The following NBPF15 variants were observed in gnomAD, a reference collection of about 807,000 sequenced individuals.
NBPF15 encodes the protein NBPF family member NBPF15.
A neutral mutation model predicts 62.2 loss-of-function variants in NBPF15; 74 were observed. That is an observed-to-expected ratio of 1.19 (90% CI 0.99 to 1.44). The LOEUF (loss-of-function observed/expected upper bound fraction) is 1.44, where lower values mean the gene tolerates loss of function less well. Ranked by LOEUF, NBPF15 falls within the 40% of genes most tolerant of loss-of-function variation. NBPF15 has a pLI of 0.00. For synonymous variants in NBPF15, 244 were observed against 209.7 expected, an observed-to-expected ratio of 1.16 and a Z score of -1.41; for missense variants, 790 against 550.0, an observed-to-expected ratio of 1.44 and a Z score of -4.36.
chr1:144,453,768 C>T lies in NBPF15; in HGVS notation c.-432+2769G>A, dbSNP rs587642160. Among the ~76,000 whole-genome samples, 62 of 141,704 alleles carry T rather than the reference C, an allele frequency of 4.4e-4. No individual in the cohort carries two copies. The South Asian group carries it at 4.8e-3, about 11-fold the overall frequency. The allele number at this position is 141,704 out of a possible 152,430, so 93.0% of individuals were successfully genotyped here. On this transcript the variant is annotated intron_variant, in intron 4 of 21. Coordinates refer to ENST00000581897, the MANE Select transcript of NBPF15 (RefSeq NM_001385408.1). ...GTGAGGGAATTGCACATTAAAACAA[C>T]GAGATATCACTGTAAACCTATCAGA...
chr1:144,426,807 A>G (rs1227797575), intron 17 of NBPF15, among the ~76,000 whole-genome samples: 1 of 151,200 alleles, frequency 6.6e-6, no homozygotes, highest in Non-Finnish European at 1.5e-5. Flanking sequence ...CTTGCTCAAG[A>G]TTCCATGCAG....
intron 2 of NBPF15, among the ~76,000 whole-genome samples, chr1:144,459,724 G>A (rs1433180621): frequency 6.6e-6 from 1 of 151,602 alleles, no homozygotes; most frequent in African/African-American, 2.4e-5. Context: ...GACAATAAAA[G>A]ATACTCAATC....
intron 8 of NBPF15, 123 bp downstream of exon 8, chr1:144,439,706 T>C: frequency 1.8e-6 from 1 of 544,302 alleles, no homozygotes. Flanking sequence ...AAAATACCCA[T>C]TTCTGTTTTC....
At position 144,438,506 on chromosome 1, in the gene NBPF15, C is replaced by A. The variant is rs1273481331; in HGVS notation, c.176-459G>T. Among the ~76,000 whole-genome samples the A allele has an allele frequency of 2.0e-5, 3 of 151,866 alleles. 1 individual carries two copies. Among genetic ancestry groups the A allele is most frequent in the Non-Finnish European group, 4.4e-5 (3 of 67,936 alleles). ...CAAGTATGTGAAAGATTTTTAAAATCTTTGATTTTTAAATCATATCTTCAG... is the reference window on the plus strand; with the variant it reads ...CAAGTATGTGAAAGATTTTTAAAATATTTGATTTTTAAATCATATCTTCAG... On this transcript the variant is annotated intron_variant, in intron 8 of 21. Transcript: ENST00000581897.
Position 144,432,126 on chromosome 1 carries a change from C to T in NBPF15, c.824+1647G>A, listed in dbSNP as rs1202753179. 4.3e-4 allele frequency among the ~76,000 whole-genome samples: 66 copies of T among 152,118 alleles called. 1 individual carries two copies. The highest frequency in any genetic ancestry group is 2.6e-4 in the Non-Finnish European group (18 of 67,968). The stretch of plus-strand genomic sequence containing the variant: ...TCCCACCAACAGTGTAAAAGTGTTC[C>T]TATTTCTCCACATCCTCTCCAGCAT... On this transcript the variant is annotated intron_variant, in intron 13 of 21. Coordinates refer to ENST00000581897, the MANE Select transcript of NBPF15 (RefSeq NM_001385408.1).
chr1:144,453,839 T>C (rs1692780368), intron 4 of NBPF15, among the ~76,000 whole-genome samples: 1 of 135,722 alleles, frequency 7.4e-6, no homozygotes, highest in South Asian at 2.5e-4. Context: ...CTGTCAAAGA[T>C]GAGGAACAAC....
Position 144,444,852 on chromosome 1 carries a change from C to T in NBPF15, c.-191+3923G>A, listed in dbSNP as rs1291881087. ...CCCCTCAGGTTGGTCTGGAAACACA[C>T]ATACAGATCATTGTGCAGACACAGT... On this transcript the variant is annotated intron_variant, in intron 6 of 21. Transcript: ENST00000581897. Among the ~76,000 whole-genome samples the T allele has an allele frequency of 2.7e-3, 411 of 152,082 alleles. 3 individuals are homozygous for T. The highest frequency in any genetic ancestry group is 4.9e-3 in the Non-Finnish European group (333 of 67,970).
chr1:144,456,318 G>A (rs1647752924), intron 4 of NBPF15, among the ~76,000 whole-genome samples: 2 of 151,996 alleles, frequency 1.3e-5, no homozygotes, highest in African/African-American at 2.4e-5. Context: ...CTCTCCTGAG[G>A]TAAAATCACT....
chr1:144,442,156 ACACGTG>A (rs1553542852), intron 6 of NBPF15, among the ~76,000 whole-genome samples: 4 of 2,496 alleles, frequency 1.6e-3, no homozygotes, highest in African/African-American at 2.1e-3. Context: ...TAATATATAT[ACACGTG>A]TATATATATA....
rs1193205252 is a variant in NBPF15 at position 144,426,375 on chromosome 1, A to T, written c.1341T>A (p.Pro447=). The T allele has an allele frequency of 1.2e-5, 11 of 887,636 alleles. No individual in the cohort carries two copies. The East Asian group carries it at 1.9e-4, about 16-fold the overall frequency. The allele number at this position is 887,636 out of a possible 1,614,324, so 55.0% of individuals were successfully genotyped here. A position where few individuals can be genotyped will look rare whatever the true frequency, so the allele number is the denominator to read the frequency against. ...QDSLDRCYST[P]SDYLELPDLG... is the part of the protein sequence containing the mutation. ...AGTCAGGCAGTTCAAGATAATCTGA[A>T]GGAGTCGAATAACATCTATCCAGTG... Residue 447 remains proline (P), a synonymous_variant, in exon 18 of 22, where the codon CCT becomes CCA. Coordinates refer to ENST00000581897, the MANE Select transcript of NBPF15 (RefSeq NM_001385408.1).
intron 6 of NBPF15, among the ~76,000 whole-genome samples, chr1:144,447,445 T>A (rs1314686101): frequency 5.9e-5 from 9 of 151,552 alleles, no homozygotes; most frequent in Non-Finnish European, 1.0e-4. Flanking sequence ...AGGGAAGAAA[T>A]ACGGACCTCA....
chr1:144,423,664 T>C (rs1192515351), intron 21 of NBPF15, among the ~76,000 whole-genome samples: 5 of 152,006 alleles, frequency 3.3e-5, no homozygotes, highest in African/African-American at 9.7e-5. Flanking sequence ...TTTTGAAGTA[T>C]GGTCAACCTA....
Position 144,429,803 on chromosome 1 carries a change from C to A in NBPF15, c.885G>T (p.Ser295=). 1 of 613,450 alleles carries A rather than the reference C, an allele frequency of 1.6e-6. No homozygotes were observed. Among genetic ancestry groups the A allele is most frequent in the Non-Finnish European group, 2.8e-6 (1 of 362,696 alleles). 38.0% of individuals were successfully genotyped at this position (613,450 alleles called of 1,614,324 possible). Residue 295 remains serine, a synonymous_variant, in exon 14 of 22, where the codon TCG becomes TCT. Transcript: ENST00000581897. ...VPQESWDEGY[S]TLSIPPEMLA... Reference sequence around the variant, plus strand: ...ACATTTCAGGAGGAATTGAGAGAGTCGAATAACCTTCATCCCAGGACTCCT... The same window carrying A: ...ACATTTCAGGAGGAATTGAGAGAGTAGAATAACCTTCATCCCAGGACTCCT...
intron 6 of NBPF15, among the ~76,000 whole-genome samples, chr1:144,447,437 G>A (rs1688378883): frequency 6.6e-6 from 1 of 151,714 alleles, no homozygotes; most frequent in Non-Finnish European, 1.5e-5. Flanking sequence ...GGAGGGAGAG[G>A]GAAGAAATAC....
Position 144,435,168 on chromosome 1 carries a change from T to G in NBPF15, c.715A>C (p.Thr239Pro). ...ITFEEDKVDS[T>P]LIGSSSHVEW... ...ACATGAGAGGATGAGCCAATGAGAG[T>G]TGAGTCGACTTTGTCTTCCTCAAAT... Residue 239 changes from threonine (T) to proline (P), a missense_variant, in exon 12 of 22, where the codon ACT (threonine) becomes CCT (proline). Transcript: ENST00000581897. The G allele has an allele frequency of 1.2e-5, 20 of 1,612,346 alleles. No individual in the cohort carries two copies. Among genetic ancestry groups the G allele is most frequent in the Non-Finnish European group, 1.6e-5 (19 of 1,179,554 alleles).
At chr1:144,455,681 TC>T (rs1273727925) in intron 4 of NBPF15, among the ~76,000 whole-genome samples, 14 of 152,044 alleles carry the variant, frequency 9.2e-5, no homozygotes, top group African/African-American at 3.4e-4. Flanking sequence ...TCACTGGACT[TC>T]CCTCCTTGCA....
intron 6 of NBPF15, among the ~76,000 whole-genome samples, chr1:144,443,561 A>G (rs1417287100): frequency 1.3e-5 from 2 of 151,936 alleles, no homozygotes; most frequent in Non-Finnish European, 2.9e-5. Flanking sequence ...CCAATCAATG[A>G]ACATGATATA....
At chr1:144,457,299 T>C (rs1373554804) in intron 3 of NBPF15, among the ~76,000 whole-genome samples, 1 of 152,064 alleles carries the variant, frequency 6.6e-6, no homozygotes, top group Non-Finnish European at 1.5e-5. Flanking sequence ...TAATGCTTCT[T>C]TGGAATCTCA....
intron 14 of NBPF15, among the ~76,000 whole-genome samples, chr1:144,428,913 CA>C (rs1224258680): frequency 6.6e-6 from 1 of 152,004 alleles, no homozygotes; most frequent in Non-Finnish European, 1.5e-5. Context: ...TTTATGTACA[CA>C]AATGAGCAAT....
Sources: allele counts gnomAD v4.1 joint callset (sites outside exome capture counted in the v4.1 genomes callset), GRCh38; gene constraint gnomAD v4.1.1; transcripts MANE v1.5; gene names NCBI Gene and HGNC (gene_info 2026-07-23, HGNC 2026-07-21).